AGXT2: variants seen among roughly 807,000 people sequenced by gnomAD.
AGXT2 encodes alanine--glyoxylate aminotransferase 2, also known as alanine--glyoxylate aminotransferase 2, mitochondrial.
In AGXT2, 61 loss-of-function variants were observed where a neutral mutation model predicts 62.5. The ratio of observed to expected loss-of-function variants is 0.98; its 90% CI spans 0.79 to 1.21. The LOEUF (loss-of-function observed/expected upper bound fraction) is 1.21, where lower values mean the gene tolerates loss of function less well. AGXT2 is among the 50% of genes most tolerant of loss of function. The probability of loss-of-function intolerance (pLI) is 0.00; values close to 1 mark genes in which losing one functional copy is unlikely to be tolerated. For synonymous variants in AGXT2, 243 were observed against 218.7 expected (o/e 1.11, Z -0.98); for missense variants, 666 against 641.5 (o/e 1.04, Z -0.41).
chr5:35,039,596 G>T (rs1767906467), intron 2 of AGXT2, 88 bp from the exon 3 acceptor site: 1 of 1,403,210 alleles, frequency 7.1e-7, no homozygotes, highest in Non-Finnish European at 1.0e-6. Context: ...GCTCTCTAGT[G>T]GACAGAGAAG....
chr5:35,027,776 T>TAGAGGCTA (rs1384268226), intron 7 of AGXT2, among the ~76,000 whole-genome samples: 1 of 150,640 alleles, frequency 6.6e-6, no homozygotes, highest in Non-Finnish European at 1.5e-5. Context: ...CGTAGGGCAT[T>TAGAGGCTA]AGAGTCTAAG....
At chr5:35,021,021 G>A (rs1201672925) in intron 9 of AGXT2, among the ~76,000 whole-genome samples, 1 of 152,214 alleles carries the variant, frequency 6.6e-6, no homozygotes, top group Non-Finnish European at 1.5e-5. Flanking sequence ...TACAAGGGAT[G>A]TGAAGGACCT....
At chr5:35,037,224 T>A (rs1767810695) in intron 3 of AGXT2, among the ~76,000 whole-genome samples, 159 bp from the exon 4 acceptor site, 1 of 152,188 alleles carries the variant, frequency 6.6e-6, no homozygotes. Flanking sequence ...ACTAGAGGTG[T>A]CCAGAAATGG....
intron 10 of AGXT2, among the ~76,000 whole-genome samples, chr5:35,013,253 T>G (rs973370071): frequency 6.6e-6 from 1 of 152,236 alleles, no homozygotes; most frequent in Non-Finnish European, 1.5e-5. Context: ...AAGACTGTAT[T>G]TGGAGATAGT....
intron 12 of AGXT2, among the ~76,000 whole-genome samples, chr5:35,006,788 C>T (rs1766442148): frequency 6.6e-6 from 1 of 152,098 alleles, no homozygotes. Flanking sequence ...GAGTACCTAT[C>T]CTGGGTGATG....
intron 9 of AGXT2, among the ~76,000 whole-genome samples, chr5:35,018,523 T>G (rs1271957724): frequency 6.6e-6 from 1 of 152,014 alleles, no homozygotes; most frequent in African/African-American, 2.4e-5. Flanking sequence ...AAGCAAATGC[T>G]GAGAGATTTT....
chr5:35,034,787 G>A (rs1767702866), intron 5 of AGXT2, among the ~76,000 whole-genome samples: 1 of 152,172 alleles, frequency 6.6e-6, no homozygotes, highest in Non-Finnish European at 1.5e-5. Context: ...GGGTGCAGCT[G>A]GCACTATGAA....
At chr5:35,036,526 T>A (rs1010887487) in intron 4 of AGXT2, among the ~76,000 whole-genome samples, 10 of 152,220 alleles carry the variant, frequency 6.6e-5, no homozygotes, top group African/African-American at 2.4e-4. Flanking sequence ...ATGGTTTCAC[T>A]GTTTGTAAAA....
intron 12 of AGXT2, among the ~76,000 whole-genome samples, chr5:35,004,829 C>A (rs1471792189): frequency 6.6e-6 from 1 of 152,220 alleles, no homozygotes; most frequent in Admixed American, 6.5e-5. Flanking sequence ...TTGCCATCCA[C>A]TTCCTTCTTC....
intron 1 of AGXT2, among the ~76,000 whole-genome samples, chr5:35,045,764 CTTTTTTTTTTTTT>C: frequency 1.0e-5 from 1 of 99,146 alleles, no homozygotes; most frequent in South Asian, 3.5e-4. Flanking sequence ...TTTCTTTTTT[CTTTTTTTTTTTTT>C]TTTTTTTTGA....
chr5:34,999,868 C>A (rs1185020790), intron 13 of AGXT2, among the ~76,000 whole-genome samples: 1 of 152,150 alleles, frequency 6.6e-6, no homozygotes, highest in Admixed American at 6.5e-5. Context: ...ATGCCCTTGA[C>A]CCTGGATTCT....
At chr5:35,020,799 G>A (rs566340650) in intron 9 of AGXT2, among the ~76,000 whole-genome samples, 114 of 152,224 alleles carry the variant, frequency 7.5e-4, no homozygotes, top group African/African-American at 2.5e-3. Context: ...GTTTGCAGAC[G>A]ACATGATTGT....
At chr5:35,040,030 C>T (rs1012241507) in intron 2 of AGXT2, among the ~76,000 whole-genome samples, 41 of 150,644 alleles carry the variant, frequency 2.7e-4, no homozygotes, top group African/African-American at 9.6e-4. Context: ...AAGGAGTTGC[C>T]GTGTGTGTGT....
At chr5:35,005,805 A>C (rs1028800503) in intron 12 of AGXT2, among the ~76,000 whole-genome samples, 1 of 152,040 alleles carries the variant, frequency 6.6e-6, no homozygotes, top group African/African-American at 2.4e-5. Context: ...TTCTTGATGA[A>C]TGTATAATGG....
rs142393338 is a variant in AGXT2 at position 35,027,861 on chromosome 5, A to T, written c.770-1351T>A. 3.3e-5 allele frequency among the ~76,000 whole-genome samples: 5 copies of T among 149,554 alleles called. No individual in the cohort carries two copies. The East Asian group carries it at 9.9e-4, about 29-fold the overall frequency. On this transcript the variant is annotated intron_variant, in intron 7 of 13. Transcript: ENST00000231420. ...CTTGGAGGGCCAGTCTGCAGGTGAA[A>T]CTTTCAGTGGTGGCTCCTCCCAGTC...
At chr5:35,002,551 A>G (rs1370107810) in intron 13 of AGXT2, among the ~76,000 whole-genome samples, 2 of 152,148 alleles carry the variant, frequency 1.3e-5, no homozygotes, top group Non-Finnish European at 2.9e-5. Context: ...GCCTTTGGGA[A>G]GTGATTAGCT....
intron 9 of AGXT2, among the ~76,000 whole-genome samples, chr5:35,020,581 A>AT (rs1767030218): frequency 1.3e-5 from 2 of 152,220 alleles, no homozygotes; most frequent in Non-Finnish European, 1.5e-5. Context: ...TTTCAAAATA[A>AT]TAAGAGGTAT....
intron 12 of AGXT2, among the ~76,000 whole-genome samples, chr5:35,005,727 C>T (rs538079902): frequency 6.6e-6 from 1 of 151,996 alleles, no homozygotes; most frequent in South Asian, 2.1e-4. Context: ...CGCAGCCTGC[C>T]GAGGCCCTTG....
At chr5:35,006,934 C>T (rs932305794) in intron 12 of AGXT2, among the ~76,000 whole-genome samples, 6 of 152,078 alleles carry the variant, frequency 3.9e-5, no homozygotes, top group African/African-American at 1.4e-4. Flanking sequence ...AAAGTGTAAA[C>T]TTATTTAGGA....
Sources: gnomAD v4.1 joint callset for allele counts (sites outside exome capture counted in the v4.1 genomes callset) on GRCh38, gnomAD v4.1.1 for gene constraint, MANE v1.5 for transcripts, NCBI Gene and HGNC (gene_info 2026-07-23, HGNC 2026-07-21) for gene names.